FANCA: variants seen among roughly 807,000 people sequenced by gnomAD.
FANCA encodes Fanconi anemia group A protein.
In FANCA, 236 loss-of-function variants were observed where a neutral mutation model predicts 194.3. The observed-to-expected ratio is 1.21, with a 90% CI of 1.09 to 1.35. FANCA has a LOEUF of 1.35. FANCA is among the 40% of genes most tolerant of loss of function. The probability of loss-of-function intolerance (pLI) is 0.00; values close to 1 mark genes in which losing one functional copy is unlikely to be tolerated. For synonymous variants in FANCA, 1,014 were observed against 715.8 expected, an observed-to-expected ratio of 1.42 and a Z score of -6.65; for missense variants, 2,628 against 1,813.9, an observed-to-expected ratio of 1.45 and a Z score of -8.15.
At chr16:89,760,993 T>C (rs536277582) in intron 29 of FANCA, among the ~76,000 whole-genome samples, 2 of 152,282 alleles carry the variant, frequency 1.3e-5, no homozygotes, top group African/African-American at 2.4e-5. Context: ...TCTGCCCTCA[T>C]TGATACAAAG....
At chr16:89,776,368 C>T (rs1483909512) in intron 20 of FANCA, among the ~76,000 whole-genome samples, 1 of 151,302 alleles carries the variant, frequency 6.6e-6, no homozygotes, top group African/African-American at 2.4e-5. Context: ...GGAGTTTCAC[C>T]ATGTTCACCA....
At position 89,779,926 on chromosome 16, in the gene FANCA, T is replaced by C; in HGVS notation, c.1658A>G (p.Lys553Arg). Residue 553 changes from lysine to arginine, a missense_variant, in exon 18 of 43, where the codon AAG (lysine) becomes AGG (arginine). Lys to Arg is a conservative substitution (Grantham distance 26). Coordinates refer to ENST00000389301, the MANE Select transcript of FANCA (RefSeq NM_000135.4). ...PHSQALQDVE[K>R]AIMVFEHTGN... ...CGTATGCTCAAACACCATGATGGCC[T>C]TTTCAACATCCTGAAGAGCTTGGCT... The C allele has an allele frequency of 6.2e-7, 1 of 1,614,124 alleles. No individual in the cohort carries two copies. Among genetic ancestry groups the C allele is most frequent in the South Asian group, 1.1e-5 (1 of 91,074 alleles).
Position 89,738,889 on chromosome 16 carries a change from A to G in FANCA, c.4253T>C (p.Val1418Ala). Residue 1418 changes from valine (V) to alanine (A), a missense_variant, in exon 42 of 43, where the codon GTG (valine) becomes GCG (alanine). Coordinates refer to ENST00000389301, the MANE Select transcript of FANCA (RefSeq NM_000135.4). ...PRCPKKSFSH[V>A]AELLADRGDC... ...TGGGCATCTTGACGTTACCTCTGCC[A>G]CGTGTGAGAAGCTCTTTTTCGGGCA... 1 of 1,614,260 alleles carries G rather than the reference A, an allele frequency of 6.2e-7. No individual in the cohort carries two copies. The highest frequency in any genetic ancestry group is 8.5e-7 in the Non-Finnish European group (1 of 1,180,048).
intron 30 of FANCA, among the ~76,000 whole-genome samples, chr16:89,753,533 T>A (rs2038669268): frequency 6.6e-6 from 1 of 152,208 alleles, no homozygotes; most frequent in African/African-American, 2.4e-5. Context: ...CGTAAGATTA[T>A]CTCAATAGAT....
chr16:89,803,388 A>T, intron 7 of FANCA, 47 bp from the exon 8 acceptor site: 1 of 1,548,084 alleles, frequency 6.5e-7, no homozygotes, highest in Non-Finnish European at 8.9e-7. Flanking sequence ...CATGGTCTCC[A>T]AGCAACTGTG....
At chr16:89,810,646 T>G (rs1481139788) in intron 5 of FANCA, 61 bp downstream of exon 5, 2 of 1,092,058 alleles carry the variant, frequency 1.8e-6, no homozygotes, top group Non-Finnish European at 2.8e-6. Flanking sequence ...GTTGCCTCCA[T>G]CCAGATCAAC....
At chr16:89,775,904 C>T (rs2039484682) in intron 20 of FANCA, 89 bp from the exon 21 acceptor site, 1 of 799,772 alleles carries the variant, frequency 1.3e-6, no homozygotes, top group African/African-American at 1.7e-5. Context: ...AAAATAAAAA[C>T]ATATTAAATT....
At chr16:89,752,833 G>C (rs1323275654) in intron 30 of FANCA, among the ~76,000 whole-genome samples, 1 of 152,176 alleles carries the variant, frequency 6.6e-6, no homozygotes, top group African/African-American at 2.4e-5. Context: ...TCCAGCGGTA[G>C]CAAAAGGTGT....
intron 15 of FANCA, among the ~76,000 whole-genome samples, chr16:89,784,653 T>G (rs1331841466): frequency 2.6e-5 from 4 of 152,214 alleles, no homozygotes; most frequent in Non-Finnish European, 5.9e-5. Flanking sequence ...ACTCACTGTG[T>G]GTCCACGTGG....
At position 89,778,846 on chromosome 16, in the gene FANCA, G is replaced by A. The variant is rs780295697; in HGVS notation, c.1781C>T (p.Pro594Leu). 3.7e-6 allele frequency: 6 copies of A among 1,613,874 alleles called. No individual in the cohort carries two copies. The highest frequency in any genetic ancestry group is 1.3e-5 in the African/African-American group (1 of 74,848). The change falls in exon 20 of 43, where the codon CCC (proline) becomes CTC (leucine). Residue 594 changes from proline to leucine, a missense_variant. Pro to Leu is a moderately conservative substitution (Grantham distance 98). Coordinates refer to ENST00000389301, the MANE Select transcript of FANCA (RefSeq NM_000135.4). ...LPALLTPRVLPKVPDSRVAFI... is the reference protein window; with the variant it reads ...LPALLTPRVLLKVPDSRVAFI... Reference sequence around the variant, plus strand: ...CGCCACACGGGAGTCAGGGACTTTGGGGAGCTGTGGGAAGAGAAGAGACCT... The same window carrying A: ...CGCCACACGGGAGTCAGGGACTTTGAGGAGCTGTGGGAAGAGAAGAGACCT...
intron 3 of FANCA, among the ~76,000 whole-genome samples, chr16:89,813,220 G>C (rs920927607): frequency 6.6e-6 from 1 of 151,882 alleles, no homozygotes; most frequent in Non-Finnish European, 1.5e-5. Context: ...TTTGAGACCA[G>C]CCTGGGCAAT....
At position 89,740,016 on chromosome 16, in the gene FANCA, T is replaced by A. The variant is rs545021222; in HGVS notation, c.3912A>T (p.Ala1304=). ...CLEKRKISWL[A]LFQLTESDLR... ...TACCACTCTCTGTCAACTGAAAGAG[T>A]GCCAGCCAGGATATCTTCCTCTTCT... Residue 1304 remains alanine (A), a synonymous_variant, in exon 39 of 43, where the codon GCA becomes GCT. Transcript: ENST00000389301. The A allele has an allele frequency of 1.2e-6, 2 of 1,614,082 alleles. No homozygotes were observed. The highest frequency in any genetic ancestry group is 1.7e-6 in the Non-Finnish European group (2 of 1,179,982).
rs866280314 is a variant in FANCA at position 89,752,019 on chromosome 16, C to G, written c.3066+119G>C. On this transcript the variant is annotated intron_variant, in intron 31 of 42. Transcript: ENST00000389301. ...TCTCCTGACTGTGTGATCCGCCTGC[C>G]TCGGCCTCCCAAAGTTCTGGGATTA... 2.6e-5 allele frequency: 22 copies of G among 851,060 alleles called. No homozygotes were observed. In the Middle Eastern group the frequency reaches 2.6e-3, roughly 102 times the overall value. The allele number at this position is 851,060 out of a possible 1,614,324, so 52.7% of individuals were successfully genotyped here.
At chr16:89,751,567 G>C (rs1389223482) in intron 31 of FANCA, among the ~76,000 whole-genome samples, 1 of 152,136 alleles carries the variant, frequency 6.6e-6, no homozygotes. Context: ...TCTGGCTAAG[G>C]AGTTGGGAGG....
At chr16:89,799,531 G>A in intron 9 of FANCA, 74 bp downstream of exon 9, 1 of 1,381,702 alleles carries the variant, frequency 7.2e-7, no homozygotes, top group Non-Finnish European at 1.0e-6. Context: ...CAAATGGAAA[G>A]GCAGAAAACT....
At chr16:89,798,621 C>G (rs577544423) in intron 10 of FANCA, 4 of 1,175,496 alleles carry the variant, frequency 3.4e-6, no homozygotes, top group South Asian at 5.3e-5. Flanking sequence ...CCACCCAGCC[C>G]CCACTCCTCA....
At position 89,791,511 on chromosome 16, in the gene FANCA, C is replaced by G; in HGVS notation, c.1251G>C (p.Gln417His). The change falls in exon 14 of 43, where the codon CAG becomes CAC. Residue 417 changes from glutamine to histidine, a missense_variant. By Grantham distance (24) the Gln-to-His change is conservative. Coordinates refer to ENST00000389301, the MANE Select transcript of FANCA (RefSeq NM_000135.4). ...LEDWVARLMAQAFESCQLDSM... is the reference protein window; with the variant it reads ...LEDWVARLMAHAFESCQLDSM... ...TGTCCAGCTGGCAGCTCTCGAATGCCTGGGCCATCAAACGCGCCACCCAGT... is the reference window on the plus strand; with the variant it reads ...TGTCCAGCTGGCAGCTCTCGAATGCGTGGGCCATCAAACGCGCCACCCAGT... The G allele has an allele frequency of 1.2e-6, 2 of 1,614,136 alleles. No individual in the cohort carries two copies. Among genetic ancestry groups the G allele is most frequent in the Non-Finnish European group, 1.7e-6 (2 of 1,180,032 alleles).
At chr16:89,767,439 C>A (rs955862427) in intron 26 of FANCA, among the ~76,000 whole-genome samples, 1 of 152,236 alleles carries the variant, frequency 6.6e-6, no homozygotes, top group Non-Finnish European at 1.5e-5. Context: ...ACCACCTGGG[C>A]TCACTGCAAT....
chr16:89,764,978 T>C lies in FANCA; in HGVS notation c.2690A>G (p.His897Arg). ...DVASLSWRPL[H>R]LPSADWQRAA... ...TCTCTGCCAGTCTGCAGAAGGAAGG[T>C]GCAAGGGTCTCCAGGAAAGGCTGGC... is the stretch of plus-strand genomic sequence containing the variant. The change falls in exon 28 of 43, where the codon CAC (histidine) becomes CGC (arginine). Residue 897 changes from histidine to arginine, a missense_variant. Transcript: ENST00000389301. 6.2e-7 allele frequency: 1 copy of C among 1,614,192 alleles called. No homozygotes were observed. Among genetic ancestry groups the C allele is most frequent in the Non-Finnish European group, 8.5e-7 (1 of 1,180,026 alleles).
Sources: allele counts gnomAD v4.1 joint callset (sites outside exome capture counted in the v4.1 genomes callset), GRCh38; gene constraint gnomAD v4.1.1; transcripts MANE v1.5; gene names NCBI Gene and HGNC (gene_info 2026-07-23, HGNC 2026-07-21).